Variants in TSHR observed in about 807,000 individuals in gnomAD.
TSHR encodes the protein thyroid stimulating hormone receptor.
A neutral mutation model predicts 64.1 loss-of-function variants in TSHR; 51 were observed. The ratio of observed to expected loss-of-function variants is 0.80; its 90% CI spans 0.64 to 1.01. The LOEUF (loss-of-function observed/expected upper bound fraction) is 1.01, where lower values mean the gene tolerates loss of function less well. TSHR is among the 50% of genes least tolerant of loss of function. TSHR has a pLI of 0.00. For missense variants in TSHR, 877 were observed against 942.8 expected (o/e 0.93, Z 0.91); for synonymous variants, 361 against 361.9 (o/e 1.00, Z 0.03).
At chr14:81,021,741 G>T (rs1480637263) in intron 1 of TSHR, among the ~76,000 whole-genome samples, 1 of 152,112 alleles carries the variant, frequency 6.6e-6, no homozygotes, top group Non-Finnish European at 1.5e-5. Flanking sequence ...AGTTCTTACG[G>T]CTTATTGAAA....
chr14:81,106,576 G>A (rs1157520889), intron 7 of TSHR, among the ~76,000 whole-genome samples: 1 of 152,166 alleles, frequency 6.6e-6, no homozygotes, highest in Non-Finnish European at 1.5e-5. Flanking sequence ...TGATAATGCT[G>A]TGAAAGAAAT....
chr14:80,979,117 C>G (rs1259055083), intron 1 of TSHR, among the ~76,000 whole-genome samples: 1 of 152,212 alleles, frequency 6.6e-6, no homozygotes, highest in Non-Finnish European at 1.5e-5. Flanking sequence ...CATCGGTTAC[C>G]CGGATGCTCA....
At chr14:81,137,178 G>C (rs940113596) in intron 8 of TSHR, among the ~76,000 whole-genome samples, 3 of 152,116 alleles carry the variant, frequency 2.0e-5, no homozygotes, top group Non-Finnish European at 2.9e-5. Context: ...TAATTCATTT[G>C]GTCTGGAATG....
At chr14:81,101,935 G>A (rs2140012925) in intron 7 of TSHR, among the ~76,000 whole-genome samples, 1 of 152,294 alleles carries the variant, frequency 6.6e-6, no homozygotes, top group South Asian at 2.1e-4. Context: ...ACTTTGGGAG[G>A]CTGAGGCAGG....
intron 1 of TSHR, among the ~76,000 whole-genome samples, chr14:81,039,207 A>G (rs12184961): frequency 0.24 from 37,146 of 151,858 alleles, 4,669 homozygotes; most frequent in South Asian, 0.33. Flanking sequence ...TTCATCATAT[A>G]CAAATCAATA....
chr14:81,062,673 C>T (rs572905401), intron 2 of TSHR, among the ~76,000 whole-genome samples: 1 of 152,112 alleles, frequency 6.6e-6, no homozygotes, highest in Admixed American at 6.6e-5. Flanking sequence ...AGATCTCTCA[C>T]GTTAAAAGAG....
At position 81,088,238 on chromosome 14, in the gene TSHR, C is replaced by T. The variant is rs1888439185; in HGVS notation, c.392+210C>T. On this transcript the variant is annotated intron_variant, in intron 4 of 9. Transcript: ENST00000298171. ...ACATAATGCTGGAACCAGAGACCTG[C>T]TCCAAGAAACAGGAGGGAGAAAATG... Among the ~76,000 whole-genome samples, 4 of 152,254 alleles carry T rather than the reference C, an allele frequency of 2.6e-5. No homozygotes were observed. The South Asian group carries it at 6.2e-4, about 24-fold the overall frequency.
chr14:80,971,092 G>A (rs774825312), intron 1 of TSHR, among the ~76,000 whole-genome samples: 7 of 152,142 alleles, frequency 4.6e-5, no homozygotes, highest in Non-Finnish European at 7.3e-5. Context: ...CCAAAGTGCT[G>A]GGATTACAAG....
chr14:80,978,656 G>A (rs1888015408), intron 1 of TSHR, among the ~76,000 whole-genome samples: 1 of 152,190 alleles, frequency 6.6e-6, no homozygotes, highest in Admixed American at 6.5e-5. Context: ...CACTGTGACA[G>A]TTCCTGCAGG....
intron 3 of TSHR, among the ~76,000 whole-genome samples, chr14:81,070,651 A>AAAAACG (rs1886999556): frequency 7.0e-6 from 1 of 143,334 alleles, no homozygotes; most frequent in African/African-American, 2.7e-5. Context: ...AAAAAAAAAA[A>AAAAACG]GCAGCAAGGA....
intron 1 of TSHR, among the ~76,000 whole-genome samples, chr14:81,010,908 T>C (rs1889866225): frequency 6.6e-6 from 1 of 150,850 alleles, no homozygotes; most frequent in African/African-American, 2.4e-5. Flanking sequence ...TCTGATTCTT[T>C]AGGTCGCTGC....
chr14:81,142,677 C>T (rs1426582730), intron 9 of TSHR, among the ~76,000 whole-genome samples: 2 of 147,436 alleles, frequency 1.4e-5, no homozygotes, highest in Admixed American at 6.9e-5. Flanking sequence ...GGCCTGATCT[C>T]GCCTCACTGC....
At chr14:81,083,822 C>T (rs1462622504) in intron 3 of TSHR, among the ~76,000 whole-genome samples, 2 of 152,078 alleles carry the variant, frequency 1.3e-5, no homozygotes, top group African/African-American at 2.4e-5. Flanking sequence ...CTGGGGAGGC[C>T]TCAGGAAACT....
At chr14:81,031,473 C>A (rs1381449523) in intron 1 of TSHR, among the ~76,000 whole-genome samples, 1 of 152,030 alleles carries the variant, frequency 6.6e-6, no homozygotes, top group Non-Finnish European at 1.5e-5. Flanking sequence ...AAACATGAGG[C>A]TTTAACTTGA....
rs193135209 is a variant in TSHR, at chr14:81,132,768, G to C, written c.693-6911G>C. On this transcript the variant is annotated intron_variant, in intron 8 of 9. Transcript: ENST00000298171. ...AAAACAGAGGGAAGCCCTCCAGCTT[G>C]TAGCTTTCTATCCATATGGCTACAT... 4.0e-4 allele frequency among the ~76,000 whole-genome samples: 61 copies of C among 152,066 alleles called. 2 individuals carry two copies. In the East Asian group the frequency reaches 0.01, roughly 26 times the overall value.
At chr14:81,092,719 G>C in intron 6 of TSHR, 111 bp downstream of exon 6, 1 of 966,250 alleles carries the variant, frequency 1.0e-6, no homozygotes, top group Non-Finnish European at 1.6e-6. Flanking sequence ...ATACTCTATA[G>C]AGTACAAAGT....
rs2140109598 is a variant in TSHR at position 81,143,151 on chromosome 14, G to C, written c.1093G>C (p.Gly365Arg). ...FFEEQEDEII[G>R]FGQELKNPQE... is the part of the protein sequence containing the mutation. ...TGAAGAACAAGAGGATGAGATCATT[G>C]GTTTTGGCCAGGAGCTCAAAAACCC... Residue 365 changes from glycine (G) to arginine (R), a missense_variant, in exon 10 of 10, where the codon GGT (glycine) becomes CGT (arginine). By Grantham distance (125) the Gly-to-Arg change is moderately radical (BLOSUM62 -2). Transcript: ENST00000298171. The C allele has an allele frequency of 6.2e-7, 1 of 1,614,100 alleles. No individual in the cohort carries two copies. Among genetic ancestry groups the C allele is most frequent in the Admixed American group, 1.7e-5 (1 of 60,016 alleles).
chr14:80,957,639 A>G (rs1047962112), intron 1 of TSHR, among the ~76,000 whole-genome samples: 1 of 152,226 alleles, frequency 6.6e-6, no homozygotes, highest in African/African-American at 2.4e-5. Flanking sequence ...AGTGAAAAGG[A>G]ACTCGTAGAC....
At chr14:81,067,028 C>T (rs1307598051) in intron 2 of TSHR, among the ~76,000 whole-genome samples, 1 of 152,134 alleles carries the variant, frequency 6.6e-6, no homozygotes, top group South Asian at 2.1e-4. Flanking sequence ...TTTTTCAGTA[C>T]TTGAAGCTTT....
Sources: allele counts gnomAD v4.1 joint callset (sites outside exome capture counted in the v4.1 genomes callset), GRCh38; gene constraint gnomAD v4.1.1; transcripts MANE v1.5; gene names NCBI Gene and HGNC (gene_info 2026-07-23, HGNC 2026-07-21).